The following CDH9 variants were observed in gnomAD, a reference collection of about 807,000 sequenced individuals.
CDH9 encodes the protein cadherin-9.
Under a neutral mutation model 70.9 loss-of-function variants are expected in CDH9, and 28 were observed. The observed-to-expected ratio is 0.40, with a 90% CI of 0.29 to 0.54. The LOEUF (loss-of-function observed/expected upper bound fraction) is 0.54. Ranked by LOEUF, CDH9 falls within the 20% of genes least tolerant of loss-of-function variation. The probability of loss-of-function intolerance (pLI) is 0.59; values close to 1 mark genes in which losing one functional copy is unlikely to be tolerated. For synonymous variants in CDH9, 409 were observed against 343.1 expected, an observed-to-expected ratio of 1.19 and a Z score of -2.12; for missense variants, 874 against 984.4, an observed-to-expected ratio of 0.89 and a Z score of 1.50.
At chr5:27,029,773 C>G (rs1268671144) in intron 1 of CDH9, among the ~76,000 whole-genome samples, 2 of 151,908 alleles carry the variant, frequency 1.3e-5, no homozygotes, top group Non-Finnish European at 2.9e-5. Context: ...CCCAAATAGA[C>G]TTCTCAAGGA....
chr5:26,893,234 A>AT (rs1740691604), intron 7 of CDH9, among the ~76,000 whole-genome samples: 1 of 152,102 alleles, frequency 6.6e-6, no homozygotes, highest in African/African-American at 2.4e-5. Flanking sequence ...TGCTTAATTT[A>AT]TTTTCTGCTA....
At chr5:26,983,463 C>A (rs1489433303) in intron 2 of CDH9, among the ~76,000 whole-genome samples, 2 of 152,116 alleles carry the variant, frequency 1.3e-5, no homozygotes, top group African/African-American at 4.8e-5. Context: ...AGTTTTCCAG[C>A]AAAGTGATTA....
intron 2 of CDH9, among the ~76,000 whole-genome samples, chr5:26,976,588 A>T (rs1204006341): frequency 1.3e-5 from 2 of 152,002 alleles, no homozygotes; most frequent in Non-Finnish European, 2.9e-5. Context: ...CAGGCGCAGG[A>T]CACCACACCA....
chr5:26,995,222 T>C (rs776965796), intron 1 of CDH9, among the ~76,000 whole-genome samples: 8 of 152,250 alleles, frequency 5.3e-5, no homozygotes, highest in Non-Finnish European at 8.8e-5. Flanking sequence ...AATTCATTAA[T>C]GCCTAATATA....
At chr5:27,014,285 T>C (rs1257939207) in intron 1 of CDH9, among the ~76,000 whole-genome samples, 1 of 151,994 alleles carries the variant, frequency 6.6e-6, no homozygotes, top group Non-Finnish European at 1.5e-5. Flanking sequence ...CCAGCATTTC[T>C]GAAGCTCTAA....
chr5:26,903,959 A>G, intron 5 of CDH9, 135 bp from the exon 6 acceptor site: 1 of 554,034 alleles, frequency 1.8e-6, no homozygotes, highest in Non-Finnish European at 3.1e-6. Flanking sequence ...AGCTGTCAAA[A>G]TTGTATATTT....
chr5:26,955,914 A>G (rs1169246793), intron 2 of CDH9, among the ~76,000 whole-genome samples: 2 of 152,202 alleles, frequency 1.3e-5, no homozygotes, highest in African/African-American at 4.8e-5. Context: ...ATGTGATTTG[A>G]GAGAATAATT....
At chr5:26,894,203 T>C (rs936389843) in intron 7 of CDH9, among the ~76,000 whole-genome samples, 1 of 152,172 alleles carries the variant, frequency 6.6e-6, no homozygotes, top group Non-Finnish European at 1.5e-5. Context: ...TATGTCTGAA[T>C]AGATCTTGGA....
chr5:26,997,502 T>C (rs749743626), intron 1 of CDH9, among the ~76,000 whole-genome samples: 2 of 151,750 alleles, frequency 1.3e-5, no homozygotes, highest in Non-Finnish European at 2.9e-5. Context: ...AAACAGAAAA[T>C]GGAGAGTGAT....
intron 2 of CDH9, among the ~76,000 whole-genome samples, chr5:26,944,577 C>A (rs1186411071): frequency 1.3e-5 from 2 of 152,108 alleles, no homozygotes; most frequent in African/African-American, 4.8e-5. Flanking sequence ...TGCTTGAGCT[C>A]AGGAAGTCAA....
At chr5:27,033,485 C>T (rs911220098) in intron 1 of CDH9, among the ~76,000 whole-genome samples, 122 of 151,108 alleles carry the variant, frequency 8.1e-4, no homozygotes, top group Admixed American at 1.5e-3. Context: ...GACAGATAGA[C>T]AGACAGACAG....
intron 2 of CDH9, among the ~76,000 whole-genome samples, chr5:26,924,252 C>G (rs1307678926): frequency 6.6e-6 from 1 of 151,804 alleles, no homozygotes. Context: ...AGGATCATTA[C>G]AGGTTCTAAG....
chr5:26,983,007 G>A (rs1742426801), intron 2 of CDH9, among the ~76,000 whole-genome samples: 1 of 152,084 alleles, frequency 6.6e-6, no homozygotes, highest in South Asian at 2.1e-4. Flanking sequence ...TTTAAGAGAT[G>A]ATCTCATAGT....
intron 2 of CDH9, among the ~76,000 whole-genome samples, chr5:26,969,109 T>C (rs981911670): frequency 6.6e-5 from 10 of 152,166 alleles, no homozygotes; most frequent in Admixed American, 3.3e-4. Context: ...AGTGAAGAAA[T>C]TTTTCATTCT....
chr5:26,918,245 G>C (rs1423681033), intron 2 of CDH9, among the ~76,000 whole-genome samples: 1 of 151,412 alleles, frequency 6.6e-6, no homozygotes, highest in Non-Finnish European at 1.5e-5. Context: ...CTTCTTTTTT[G>C]TATTTTCCTC....
chr5:26,942,141 G>C (rs191789007), intron 2 of CDH9, among the ~76,000 whole-genome samples: 5 of 152,132 alleles, frequency 3.3e-5, no homozygotes, highest in Admixed American at 3.3e-4. Flanking sequence ...TGGTGGAAGG[G>C]GAAGCAAACA....
intron 2 of CDH9, among the ~76,000 whole-genome samples, chr5:26,958,984 C>A (rs1053158997): frequency 1.3e-5 from 2 of 151,944 alleles, no homozygotes; most frequent in South Asian, 2.1e-4. Context: ...AAAACACAAA[C>A]AACAAAAGAC....
intron 1 of CDH9, among the ~76,000 whole-genome samples, chr5:26,999,484 T>C (rs1742726903): frequency 6.6e-6 from 1 of 152,150 alleles, no homozygotes; most frequent in Admixed American, 6.5e-5. Flanking sequence ...CCAAACTTGC[T>C]ATGTAGGTAC....
At chr5:26,927,475 T>C (rs1294731615) in intron 2 of CDH9, among the ~76,000 whole-genome samples, 2 of 152,170 alleles carry the variant, frequency 1.3e-5, no homozygotes, top group Admixed American at 6.6e-5. Flanking sequence ...CTAGGTCTTC[T>C]ATATTTAGAA....
Sources: gnomAD v4.1 joint callset for allele counts (sites outside exome capture counted in the v4.1 genomes callset) on GRCh38, gnomAD v4.1.1 for gene constraint, MANE v1.5 for transcripts, NCBI Gene and HGNC (gene_info 2026-07-23, HGNC 2026-07-21) for gene names.